Variants in SLC30A7 observed in about 807,000 individuals in gnomAD.
SLC30A7 encodes the protein solute carrier family 30 member 7, also known as zinc transporter 7.
A neutral mutation model predicts 46.0 loss-of-function variants in SLC30A7; 35 were observed. The ratio of observed to expected loss-of-function variants is 0.76; its 90% CI spans 0.58 to 1.01. The LOEUF (loss-of-function observed/expected upper bound fraction) is 1.01, where lower values mean the gene tolerates loss of function less well. SLC30A7 is among the 50% of genes least tolerant of loss of function. SLC30A7 has a pLI of 0.00. For missense variants in SLC30A7, 464 were observed against 451.1 expected, an observed-to-expected ratio of 1.03 and a Z score of -0.26; for synonymous variants, 147 against 157.8, an observed-to-expected ratio of 0.93 and a Z score of 0.51.
chr1:100,951,079 G>A (rs933548991), intron 8 of SLC30A7, among the ~76,000 whole-genome samples: 8 of 152,172 alleles, frequency 5.3e-5, no homozygotes, highest in Admixed American at 1.3e-4. Flanking sequence ...CTCCTCAGTC[G>A]TTGGAAGACA....
At chr1:100,936,504 T>C (rs879487971) in intron 8 of SLC30A7, among the ~76,000 whole-genome samples, 2 of 152,216 alleles carry the variant, frequency 1.3e-5, no homozygotes, top group African/African-American at 2.4e-5. Flanking sequence ...TAAGTTAGCT[T>C]ATACCTCTGT....
intron 8 of SLC30A7, among the ~76,000 whole-genome samples, chr1:100,932,589 A>C (rs1401379422): frequency 6.6e-6 from 1 of 151,788 alleles, no homozygotes; most frequent in Non-Finnish European, 1.5e-5. Flanking sequence ...GTGATTAAAA[A>C]TCAAGCCAAC....
At chr1:100,924,569 G>A (rs1653161342) in intron 8 of SLC30A7, among the ~76,000 whole-genome samples, 1 of 151,054 alleles carries the variant, frequency 6.6e-6, no homozygotes, top group African/African-American at 2.4e-5. Context: ...CCTTTTCATG[G>A]CATTTACTTA....
At chr1:100,928,550 A>G (rs1653462785) in intron 8 of SLC30A7, among the ~76,000 whole-genome samples, 2 of 151,972 alleles carry the variant, frequency 1.3e-5, no homozygotes, top group South Asian at 4.1e-4. Context: ...ACCCATGTTA[A>G]TATTTTTGTG....
Position 100,941,989 on chromosome 1 carries a change from C to T in SLC30A7, c.843-19839C>T, listed in dbSNP as rs117682990. On this transcript the variant is annotated intron_variant, in intron 8 of 10. Coordinates refer to ENST00000357650, the MANE Select transcript of SLC30A7 (RefSeq NM_133496.5). ...TTCGGGCTCTTTAGAAAACTGACTGCGACGTGACGGCAGTGGGAAGAGAGA... is the reference window on the plus strand; with the variant it reads ...TTCGGGCTCTTTAGAAAACTGACTGTGACGTGACGGCAGTGGGAAGAGAGA... 2.2e-3 allele frequency: 532 copies of T among 239,674 alleles called. 7 individuals carry two copies. In the East Asian group the frequency reaches 0.027, roughly 12 times the overall value. 14.8% of individuals were successfully genotyped at this position (239,674 alleles called of 1,614,324 possible).
intron 8 of SLC30A7, among the ~76,000 whole-genome samples, chr1:100,940,443 A>G (rs1211248974): frequency 6.6e-6 from 1 of 152,234 alleles, no homozygotes; most frequent in Admixed American, 6.5e-5. Flanking sequence ...GAATTTTGGC[A>G]TAAGAAGAAA....
At chr1:100,995,034 A>C in the SLC30A7 span, 1 of 1,025,110 alleles carries the variant, frequency 9.8e-7, no homozygotes, top group Non-Finnish European at 1.5e-6. Context: ...TTTAGAACTC[A>C]GGTCATTTAA....
At chr1:100,903,693 T>C (rs1230304252) in intron 2 of SLC30A7, among the ~76,000 whole-genome samples, 1 of 152,182 alleles carries the variant, frequency 6.6e-6, no homozygotes, top group Non-Finnish European at 1.5e-5. Flanking sequence ...CTAAAATCTT[T>C]TGTAATGATT....
chr1:100,911,885 C>G (rs907406667), intron 4 of SLC30A7, among the ~76,000 whole-genome samples: 2 of 152,024 alleles, frequency 1.3e-5, no homozygotes, highest in African/African-American at 4.8e-5. Flanking sequence ...AGTTTTGGAC[C>G]AAATATTTAT....
chr1:100,988,872 A>G, the SLC30A7 span, among the ~76,000 whole-genome samples: 1 of 151,896 alleles, frequency 6.6e-6, no homozygotes, highest in Admixed American at 6.6e-5. Flanking sequence ...ATAAATAAAT[A>G]AAAAATAATA....
At chr1:100,991,926 G>A in the SLC30A7 span, among the ~76,000 whole-genome samples, 2 of 151,832 alleles carry the variant, frequency 1.3e-5, no homozygotes, top group Non-Finnish European at 2.9e-5. Context: ...GGGCAACATG[G>A]TGAAACCCTG....
At chr1:100,931,263 A>G (rs1308051262) in intron 8 of SLC30A7, among the ~76,000 whole-genome samples, 1 of 152,210 alleles carries the variant, frequency 6.6e-6, no homozygotes, top group Admixed American at 6.5e-5. Flanking sequence ...TTAATTCAGT[A>G]CAACTACCAA....
At chr1:100,922,153 A>G (rs188568994) in intron 8 of SLC30A7, among the ~76,000 whole-genome samples, 2 of 152,034 alleles carry the variant, frequency 1.3e-5, no homozygotes, top group African/African-American at 4.8e-5. Flanking sequence ...TTTAATAGAG[A>G]TGGGGTTTTA....
intron 8 of SLC30A7, among the ~76,000 whole-genome samples, chr1:100,928,315 A>G (rs1033118972): frequency 6.6e-6 from 1 of 152,190 alleles, no homozygotes; most frequent in African/African-American, 2.4e-5. Flanking sequence ...ACTGGAGTGT[A>G]GGAGAGAAAA....
At chr1:100,897,649 A>G (rs998683445) in intron 2 of SLC30A7, among the ~76,000 whole-genome samples, 1 of 152,182 alleles carries the variant, frequency 6.6e-6, no homozygotes, top group Non-Finnish European at 1.5e-5. Context: ...GAGATCAAAC[A>G]TTGACAGGTA....
chr1:100,935,883 T>G (rs1188575343), intron 8 of SLC30A7, among the ~76,000 whole-genome samples: 1 of 152,110 alleles, frequency 6.6e-6, no homozygotes, highest in Non-Finnish European at 1.5e-5. Flanking sequence ...TCATCCCACT[T>G]TACAATATGT....
rs1257089566 is a variant in SLC30A7, at chr1:100,974,987, TAG to T, written c.*133_*134del. On this transcript the variant is annotated 3_prime_UTR_variant, in exon 11 of 11. Transcript: ENST00000357650. The stretch of plus-strand genomic sequence containing the variant: ...ACTCCCGAGCACTAAGTAGACGGGG[TAG>T]AGTCAGCCGTTCATGCTTTGTGGGG... 3.3e-6 allele frequency: 2 copies of T among 600,396 alleles called. No individual in the cohort carries two copies. The highest frequency in any genetic ancestry group is 6.0e-5 in the East Asian group (2 of 33,106). 37.2% of individuals were successfully genotyped at this position (600,396 alleles called of 1,614,324 possible). A position where few individuals can be genotyped will look rare whatever the true frequency, so the allele number is the denominator to read the frequency against.
At chr1:100,986,279 C>G (rs1427777806), downstream of SLC30A7, among the ~76,000 whole-genome samples, 4 of 152,048 alleles carry the variant, frequency 2.6e-5, no homozygotes, top group Non-Finnish European at 5.9e-5. Flanking sequence ...CGTGGTGGTG[C>G]ATGCCTGTAA....
chr1:100,979,666 C>T lies in SLC30A7; in HGVS notation c.*4809C>T, dbSNP rs1656810965. ...AAATTTCTACAAAGGAATAATTTTG[C>T]ATGATTTTATGATTGACGGAGCATT... On this transcript the variant is annotated 3_prime_UTR_variant, in exon 11 of 11. Transcript: ENST00000357650. The T allele has an allele frequency of 6.6e-6, 1 of 152,090 alleles. No homozygotes were observed. Among genetic ancestry groups the T allele is most frequent in the Non-Finnish European group, 1.5e-5 (1 of 67,990 alleles). The allele number at this position is 152,090 out of a possible 1,614,324, so 9.4% of individuals were successfully genotyped here.
Sources: allele counts gnomAD v4.1 joint callset (sites outside exome capture counted in the v4.1 genomes callset), GRCh38; gene constraint gnomAD v4.1.1; transcripts MANE v1.5; gene names NCBI Gene and HGNC (gene_info 2026-07-23, HGNC 2026-07-21).